Variants in SLC19A1 observed in about 807,000 individuals in gnomAD.
The protein encoded by SLC19A1 is solute carrier family 19 member 1.
Under a neutral mutation model 35.3 loss-of-function variants are expected in SLC19A1, and 37 were observed. The ratio of observed to expected loss-of-function variants is 1.05; its 90% CI spans 0.81 to 1.38. The LOEUF (loss-of-function observed/expected upper bound fraction) is 1.38, where lower values mean the gene tolerates loss of function less well. Among genes scored for constraint, SLC19A1 ranks in the 40% most tolerant of loss-of-function variants. The probability of loss-of-function intolerance (pLI) is 0.00; values close to 1 mark genes in which losing one functional copy is unlikely to be tolerated. For missense variants in SLC19A1, 831 were observed against 826.9 expected (o/e 1.00, Z -0.06); for synonymous variants, 460 against 398.5 (o/e 1.15, Z -1.84).
At position 45,531,738 on chromosome 21, in the gene SLC19A1, G is replaced by A. The variant is rs757023473; in HGVS notation, c.600C>T (p.Ala200=). 1.7e-5 allele frequency: 27 copies of A among 1,612,586 alleles called. No homozygotes were observed. In the South Asian group the frequency reaches 2.5e-4, roughly 15 times the overall value. Residue 200 remains alanine (A), a synonymous_variant, in exon 3 of 6, where the codon GCC becomes GCT. Coordinates refer to ENST00000311124, the MANE Select transcript of SLC19A1 (RefSeq NM_194255.4). ...LAFLTFSVVL[A]LFLKRPKRSL... is the part of the protein sequence containing the mutation. The stretch of plus-strand genomic sequence containing the variant: ...TGCGCTTGGGGCGCTTCAGGAAGAG[G>A]GCGAGGACCACGCTGAAGGTGAGGA...
At chr21:45,510,638 G>A (rs557293438), downstream of SLC19A1, among the ~76,000 whole-genome samples, 31 of 152,310 alleles carry the variant, frequency 2.0e-4, no homozygotes, top group South Asian at 8.3e-4. Flanking sequence ...AGTGCCATGC[G>A]GGCTGGTGGC....
In SLC19A1 at chr21:45,532,117, T is replaced by A. The variant is rs1248541487; in HGVS notation, c.221A>T (p.Tyr74Phe). 6.2e-7 allele frequency: 1 copy of A among 1,608,990 alleles called. No individual in the cohort carries two copies. The highest frequency in any genetic ancestry group is 1.7e-5 in the Admixed American group (1 of 59,788). Reference protein sequence around the residue: ...VTNEITPVLSYSYLAVLVPVF... With the variant: ...VTNEITPVLSFSYLAVLVPVF... ...GGGCACCAGCACGGCCAGGTAGGAG[T>A]ACGACAGCACCGGCGTGATCTCGTT... Residue 74 changes from tyrosine (Y) to phenylalanine (F), a missense_variant, in exon 3 of 6, where the codon TAC (tyrosine) becomes TTC (phenylalanine). Coordinates refer to ENST00000311124, the MANE Select transcript of SLC19A1 (RefSeq NM_194255.4).
At chr21:45,510,937 AAAC>A (rs1172994068), downstream of SLC19A1, among the ~76,000 whole-genome samples, 84 of 83,312 alleles carry the variant, frequency 1.0e-3, 1 homozygote, top group African/African-American at 4.6e-3. Context: ...CCCCCCAAAA[AAAC>A]ACACACCCAC....
chr21:45,552,081 T>C (rs2146491934), intron 1 of SLC19A1, among the ~76,000 whole-genome samples: 1 of 152,294 alleles, frequency 6.6e-6, no homozygotes, highest in Middle Eastern at 3.4e-3. Flanking sequence ...TCTGCCCGAG[T>C]GTCTGACCCA....
At chr21:45,559,910 A>C (rs956225178) in intron 1 of SLC19A1, among the ~76,000 whole-genome samples, 1 of 151,662 alleles carries the variant, frequency 6.6e-6, no homozygotes, top group Non-Finnish European at 1.5e-5. Context: ...AGCCCTCCAC[A>C]TGGGCAGTGG....
intron 1 of SLC19A1, among the ~76,000 whole-genome samples, chr21:45,560,530 T>G (rs2078605508): frequency 6.6e-6 from 1 of 150,948 alleles, no homozygotes; most frequent in Non-Finnish European, 1.5e-5. Flanking sequence ...GATGTGGCAC[T>G]GGCACCATGG....
intron 1 of SLC19A1, among the ~76,000 whole-genome samples, chr21:45,556,086 G>A (rs912343361): frequency 2.0e-4 from 30 of 152,206 alleles, no homozygotes; most frequent in African/African-American, 6.5e-4. Context: ...ACACAGAGGT[G>A]GAAAGAGGGG....
intron 1 of SLC19A1, among the ~76,000 whole-genome samples, chr21:45,552,647 G>T (rs1485560964): frequency 6.6e-6 from 1 of 151,758 alleles, no homozygotes; most frequent in Non-Finnish European, 1.5e-5. Context: ...GACAGCCCCA[G>T]CCCCAGCAGA....
rs533078931 is a variant in SLC19A1 at position 45,507,530 on chromosome 21, G to A, written c.498-8918C>T. On this transcript the variant is annotated intron_variant, in intron 3 of 4. Transcript: ENST00000417954. ...GCACCCTGGCTCAGGCCCAGCCGCA[G>A]GTCCTGGGTGACCCTGCTGCTTTCT... 8 of 1,610,504 alleles carry A rather than the reference G, an allele frequency of 5.0e-6. No individual in the cohort carries two copies. The African/African-American group carries it at 1.1e-4, about 21-fold the overall frequency.
intron 5 of SLC19A1, among the ~76,000 whole-genome samples, chr21:45,525,556 C>T (rs9980386): frequency 0.028 from 4,199 of 152,330 alleles, 172 homozygotes; most frequent in African/African-American, 0.089. Context: ...AGGACAGCTC[C>T]GCCGTGGCGA....
chr21:45,545,785 T>C (rs1350843839), upstream of SLC19A1, among the ~76,000 whole-genome samples: 1 of 152,184 alleles, frequency 6.6e-6, no homozygotes, highest in Non-Finnish European at 1.5e-5. Context: ...GGCCTGCACA[T>C]GGCCTCAGCC....
rs2077985569 is a variant in SLC19A1 at position 45,533,016 on chromosome 21, C to T, written c.190-868G>A. On this transcript the variant is annotated intron_variant, in intron 2 of 5. Transcript: ENST00000311124. The surrounding 1 kb of genome is among the most constrained non-coding windows in gnomAD (Gnocchi z 4.5). ...AGGGCAGAGGGCCCTGGGCTGTGCA[C>T]TCCCATCTCACACTTGTCCCCAGAG... 1.3e-5 allele frequency among the ~76,000 whole-genome samples: 2 copies of T among 152,138 alleles called. No individual in the cohort carries two copies. Among genetic ancestry groups the T allele is most frequent in the Admixed American group, 6.5e-5 (1 of 15,290 alleles).
rs779275726 is a variant in SLC19A1 at position 45,505,973 on chromosome 21, GCT to G, written c.498-7363_498-7362del. On this transcript the variant is annotated intron_variant, in intron 3 of 4. Coordinates refer to the SLC19A1 transcript ENST00000417954. ...CGGGTTCCGGAAGGTCCAGGTGAGC[GCT>G]CTGTGTGACGGGTTCTGGACCCGTG... 1 of 1,613,010 alleles carries G rather than the reference GCT, an allele frequency of 6.2e-7. No individual in the cohort carries two copies. The highest frequency in any genetic ancestry group is 1.7e-5 in the Admixed American group (1 of 60,010).
downstream of SLC19A1, chr21:45,510,965 ACCCCCAAACACCCCCCACACCC>A (rs2037551988): frequency 5.1e-4 from 16 of 31,442 alleles, 4 homozygotes; most frequent in Admixed American, 4.2e-3. Flanking sequence ...CCCCACATAC[ACCCCCAAACACCCCCCACACCC>A]CACACACACA....
In SLC19A1 at chr21:45,515,177, G is replaced by A. The variant is rs1031052028; in HGVS notation, c.*481C>T. On this transcript the variant is annotated 3_prime_UTR_variant, in exon 6 of 6. Coordinates refer to ENST00000311124, the MANE Select transcript of SLC19A1 (RefSeq NM_194255.4). ...TCTACGTCAGTTAAAAAAAAAAAAA[G>A]CATCTTTCAAAAAAGCAAGAGCACC... The A allele has an allele frequency of 2.0e-6, 3 of 1,475,090 alleles. No homozygotes were observed. The highest frequency in any genetic ancestry group is 1.5e-5 in the African/African-American group (1 of 66,576). 91.4% of individuals were successfully genotyped at this position (1,475,090 alleles called of 1,614,324 possible). A position where few individuals can be genotyped will look rare whatever the true frequency, so the allele number is the denominator to read the frequency against.
At chr21:45,512,078 C>T (rs2037643830), downstream of SLC19A1, 3 of 1,234,322 alleles carry the variant, frequency 2.4e-6, no homozygotes, top group South Asian at 3.9e-5. Context: ...CTGCAGCCCC[C>T]TGGTAACCCC....
At position 45,530,083 on chromosome 21, in the gene SLC19A1, CGT is replaced by C. The variant is rs960187209; in HGVS notation, c.1151+685_1151+686del. Among the ~76,000 whole-genome samples, 2 of 131,102 alleles carry C rather than the reference CGT, an allele frequency of 1.5e-5. No homozygotes were observed. The highest frequency in any genetic ancestry group is 3.2e-5 in the Non-Finnish European group (2 of 62,282). 86.0% of individuals were successfully genotyped at this position (131,102 alleles called of 152,430 possible). On this transcript the variant is annotated intron_variant, in intron 4 of 5. Transcript: ENST00000311124. This position sits in a 1 kb window ranked among gnomAD's most constrained non-coding sequence, Gnocchi z 5.3. Reference sequence around the variant, plus strand: ...CATCTGTGAGCATGTGGTGTGTGTTCGTGTGTGGTGTGTCTGTGTGGTGTATC... The same window carrying C: ...CATCTGTGAGCATGTGGTGTGTGTTCGTGTGGTGTGTCTGTGTGGTGTATC...
intron 3 of SLC19A1, chr21:45,505,803 G>GCCCTCCCCA (rs766603908): frequency 6.2e-6 from 4 of 641,726 alleles, no homozygotes; most frequent in Admixed American, 4.5e-5. Context: ...CGCCCTCCCC[G>GCCCTCCCCA]CCAAGCCCCA....
rs373265868 is a variant in SLC19A1, at chr21:45,555,148, T to C, written c.-50+7594A>G. The stretch of plus-strand genomic sequence containing the variant: ...AGCAGCCTCGCGACGCAGGGGGCGG[T>C]GCAGGGGGCGGCGGGGGCGGCGCAG... On this transcript the variant is annotated intron_variant, in intron 1 of 5. Transcript: ENST00000650808. Among the ~76,000 whole-genome samples the C allele has an allele frequency of 1.1e-3, 73 of 64,044 alleles. 1 individual carries two copies. The highest frequency in any genetic ancestry group is 7.7e-3 in the East Asian group (16 of 2,072). 42.0% of individuals were successfully genotyped at this position (64,044 alleles called of 152,430 possible).
Sources: gnomAD v4.1 joint callset for allele counts (sites outside exome capture counted in the v4.1 genomes callset) on GRCh38, gnomAD v4.1.1 for gene constraint, Gnocchi (gnomAD v3.1) non-coding constraint, MANE v1.5 for transcripts, NCBI Gene and HGNC (gene_info 2026-07-23, HGNC 2026-07-21) for gene names.